The following CES4A variants were observed in gnomAD, a reference collection of about 807,000 sequenced individuals.
CES4A encodes the protein carboxylesterase 4A, also known as carboxylesterase 6.
Under a neutral mutation model 65.4 loss-of-function variants are expected in CES4A, and 48 were observed. The observed-to-expected ratio is 0.73, with a 90% CI of 0.58 to 0.93. The LOEUF (loss-of-function observed/expected upper bound fraction) is 0.93. Among genes scored for constraint, CES4A ranks in the 40% least tolerant of loss-of-function variants. The probability of loss-of-function intolerance (pLI) is 0.00; values close to 1 mark genes in which losing one functional copy is unlikely to be tolerated. For synonymous variants in CES4A, 247 were observed against 281.8 expected, an observed-to-expected ratio of 0.88 and a Z score of 1.24; for missense variants, 685 against 728.5, an observed-to-expected ratio of 0.94 and a Z score of 0.69.
chr16:67,005,859 CA>C, intron 11 of CES4A: 1 of 169,774 alleles, frequency 5.9e-6, no homozygotes, highest in Non-Finnish European at 1.2e-5. Flanking sequence ...AAAAAAAAAA[CA>C]AAAAAAGTAT....
intron 2 of CES4A, among the ~76,000 whole-genome samples, chr16:66,998,443 A>G (rs1449564797): frequency 6.6e-6 from 1 of 152,176 alleles, no homozygotes; most frequent in South Asian, 2.1e-4. Flanking sequence ...ATTAAAAATT[A>G]TCCGGTGTGA....
At chr16:66,999,252 G>A (rs2060566263) in intron 2 of CES4A, among the ~76,000 whole-genome samples, 1 of 152,206 alleles carries the variant, frequency 6.6e-6, no homozygotes, top group African/African-American at 2.4e-5. Context: ...CAAACAGGGT[G>A]TCCTGCGCCC....
chr16:67,005,235 C>T lies in CES4A; in HGVS notation c.1162-5C>T, dbSNP rs772508807. ...GCCTCAGGTAAGTGTGGCCTCCTCA[C>T]TCAGAATATCACCAAGGAGCAGGTA... is the stretch of plus-strand genomic sequence containing the variant. On this transcript the variant is annotated splice_polypyrimidine_tract_variant and splice_region_variant and intron_variant, in intron 10 of 13. Coordinates refer to ENST00000648724, the Ensembl canonical transcript of CES4A. 2 of 1,613,940 alleles carry T rather than the reference C, an allele frequency of 1.2e-6. No homozygotes were observed. Among genetic ancestry groups the T allele is most frequent in the African/African-American group, 2.7e-5 (2 of 74,930 alleles).
intron 13 of CES4A, 42 bp downstream of exon 13, chr16:67,006,859 A>G (rs1237439206): frequency 1.3e-6 from 2 of 1,584,782 alleles, no homozygotes; most frequent in African/African-American, 1.3e-5. Context: ...CTACCTGCCC[A>G]GTGCTGGACC....
At position 67,000,180 on chromosome 16, in the gene CES4A, C is replaced by T. The variant is rs1192481986; in HGVS notation, c.261-458C>T. On this transcript the variant is annotated intron_variant, in intron 2 of 13. Transcript: ENST00000648724. The surrounding 1 kb of genome is among the most constrained non-coding windows in gnomAD (Gnocchi z 4.2). ...GTGACATAGTCCGCCAGAGTGTGGC[C>T]GAGGAGTAGGAGGAGTGTGAAGAGG... Among the ~76,000 whole-genome samples the T allele has an allele frequency of 6.6e-6, 1 of 151,968 alleles. No individual in the cohort carries two copies. The highest frequency in any genetic ancestry group is 2.1e-4 in the South Asian group (1 of 4,812).
intron 5 of CES4A, among the ~76,000 whole-genome samples, chr16:67,002,172 T>A (rs551519628): frequency 6.3e-4 from 95 of 149,832 alleles, no homozygotes; most frequent in African/African-American, 2.2e-3. Flanking sequence ...GAAAAAAAAA[T>A]TTTTTTTTTT....
rs1204116573 is a variant in CES4A at position 67,003,667 on chromosome 16, T to C, written c.939+114T>C. On this transcript the variant is annotated intron_variant, in intron 8 of 13. Coordinates refer to ENST00000648724, the Ensembl canonical transcript of CES4A. This position sits in a 1 kb window ranked among gnomAD's most constrained non-coding sequence, Gnocchi z 4.2. ...AAGATCCCTTCCCTAGTGGAGCTGATGTTCCAGTGGGGAAGGAGAATAAAC... is the reference window on the plus strand; with the variant it reads ...AAGATCCCTTCCCTAGTGGAGCTGACGTTCCAGTGGGGAAGGAGAATAAAC... The C allele has an allele frequency of 2.4e-6, 2 of 848,178 alleles. No homozygotes were observed. Among genetic ancestry groups the C allele is most frequent in the African/African-American group, 3.3e-5 (2 of 59,980 alleles). The allele number at this position is 848,178 out of a possible 1,614,324, so 52.5% of individuals were successfully genotyped here.
rs772285928 is a variant in CES4A, at chr16:67,003,303, G to T, written c.843G>T (p.Leu281=). Residue 281 remains leucine (L), a synonymous_variant, in exon 7 of 14, where the codon CTG becomes CTT. Transcript: ENST00000648724. The surrounding 1 kb of genome is among the most constrained non-coding windows in gnomAD (Gnocchi z 4.2). ...GCAACCACAACAGCACACAGATCCT[G>T]GTAAACTGCCTGAGGGCACTATCAG... The T allele has an allele frequency of 6.2e-7, 1 of 1,614,166 alleles. No individual in the cohort carries two copies. The highest frequency in any genetic ancestry group is 1.1e-5 in the South Asian group (1 of 91,082).
At chr16:66,990,778 T>C (rs897109393) in intron 1 of CES4A, among the ~76,000 whole-genome samples, 1 of 144,944 alleles carries the variant, frequency 6.9e-6, no homozygotes. Flanking sequence ...GGGGTTTTTC[T>C]TTTTTTTTTT....
At chr16:67,008,388 CT>C (rs1403403167) in intron 13 of CES4A, 1 of 152,312 alleles carries the variant, frequency 6.6e-6, no homozygotes, top group African/African-American at 2.4e-5. Flanking sequence ...CTTTCACACA[CT>C]CTCTTTTTTT....
At chr16:67,004,763 C>T (rs1021719397) in intron 9 of CES4A, 30 bp from the exon 10 acceptor site, 7 of 1,528,372 alleles carry the variant, frequency 4.6e-6, no homozygotes, top group Non-Finnish European at 6.1e-6. Flanking sequence ...TCAGGCCTGA[C>T]CCACACTGGG....
Position 67,001,511 on chromosome 16 carries a change from C to T in CES4A, c.690+50C>T, listed in dbSNP as rs374400609. ...GAGCACAGACTTAGGCTCCTGCGTT[C>T]CCACAAATGTATGCTCCACTGCACA... On this transcript the variant is annotated intron_variant, in intron 5 of 13. Coordinates refer to ENST00000648724, the Ensembl canonical transcript of CES4A. This position sits in a 1 kb window ranked among gnomAD's most constrained non-coding sequence, Gnocchi z 4.1. 3.3e-6 allele frequency: 5 copies of T among 1,536,514 alleles called. No individual in the cohort carries two copies. In the East Asian group the frequency reaches 9.1e-5, roughly 28 times the overall value.
exon 1 of CES4A, chr16:66,988,809 C>T (rs747434311): frequency 1.3e-6 from 2 of 1,569,698 alleles, no homozygotes; most frequent in Admixed American, 3.6e-5. Context: ...CACCCTCTGC[C>T]TGATGGCGCA....
chr16:67,003,560 A>G lies in CES4A; in HGVS notation c.939+7A>G. 6.2e-7 allele frequency: 1 copy of G among 1,609,938 alleles called. No individual in the cohort carries two copies. The highest frequency in any genetic ancestry group is 1.1e-5 in the South Asian group (1 of 90,998). Reference sequence around the variant, plus strand: ...CCAGAGAGACCCGGAAGAGGTAAACAGGCCACATTCTGCAATTTGAGTATT... The same window carrying G: ...CCAGAGAGACCCGGAAGAGGTAAACGGGCCACATTCTGCAATTTGAGTATT... On this transcript the variant is annotated splice_region_variant and intron_variant, in intron 8 of 13. Coordinates refer to ENST00000648724, the Ensembl canonical transcript of CES4A. The surrounding 1 kb of genome is among the most constrained non-coding windows in gnomAD (Gnocchi z 4.2).
At chr16:66,988,914 GGGAC>G (rs1964159872) in intron 1 of CES4A, 84 bp downstream of exon 1, 1 of 1,452,418 alleles carries the variant, frequency 6.9e-7, no homozygotes. Context: ...ACCTCTCCTG[GGGAC>G]AGCAGGGCAG....
Position 67,006,634 on chromosome 16 carries a change from C to G in CES4A, c.1445-111C>G, listed in dbSNP as rs867140797. ...GCTCACCAGTTCCTAATCTGTTATG[C>G]TCTCCCAAATGAAAGTCTTCTGCTC... On this transcript the variant is annotated intron_variant, in intron 12 of 13. Transcript: ENST00000648724. 207 of 1,536,062 alleles carry G rather than the reference C, an allele frequency of 1.3e-4. 4 individuals carry two copies. In the South Asian group the frequency reaches 1.7e-3, roughly 13 times the overall value.
In CES4A at chr16:67,000,425, G is replaced by T. The variant is rs1478277851; in HGVS notation, c.261-213G>T. 5 of 1,375,848 alleles carry T rather than the reference G, an allele frequency of 3.6e-6. No homozygotes were observed. In the East Asian group the frequency reaches 1.4e-4, roughly 38 times the overall value. 85.2% of individuals were successfully genotyped at this position (1,375,848 alleles called of 1,614,324 possible). ...TCTCCACGGACTGAGGCGCCGGGCA[G>T]GGAGGGGATGGTTCCTGAGAGGCCA... On this transcript the variant is annotated intron_variant, in intron 2 of 13. Transcript: ENST00000648724. The surrounding 1 kb of genome is among the most constrained non-coding windows in gnomAD (Gnocchi z 4.2).
intron 1 of CES4A, among the ~76,000 whole-genome samples, chr16:66,993,863 A>G (rs1268521519): frequency 2.6e-5 from 4 of 151,934 alleles, no homozygotes; most frequent in Admixed American, 2.6e-4. Flanking sequence ...GCAGTTTGGG[A>G]GGCTGAGGCG....
chr16:66,996,298 G>A (rs1964847707), intron 2 of CES4A: 1 of 326,574 alleles, frequency 3.1e-6, no homozygotes, highest in African/African-American at 2.2e-5. Flanking sequence ...GCCTCCCAAA[G>A]TGCTGAGATT....
Sources: allele counts gnomAD v4.1 joint callset (sites outside exome capture counted in the v4.1 genomes callset), GRCh38; gene constraint gnomAD v4.1.1; non-coding constraint Gnocchi (gnomAD v3.1); transcripts MANE v1.5; gene names NCBI Gene and HGNC (gene_info 2026-07-23, HGNC 2026-07-21).